Variants in ACVRL1 observed in about 807,000 individuals in gnomAD.
ACVRL1 encodes activin receptor type-1-like.
Under a neutral mutation model 51.9 loss-of-function variants are expected in ACVRL1, and 20 were observed. That is an observed-to-expected ratio of 0.39 (90% CI 0.27 to 0.56). ACVRL1 has a LOEUF of 0.56. Ranked by LOEUF, ACVRL1 falls within the 20% of genes least tolerant of loss-of-function variation. The probability of loss-of-function intolerance (pLI) is 0.67; values close to 1 mark genes in which losing one functional copy is unlikely to be tolerated. For missense variants in ACVRL1, 451 were observed against 670.3 expected, an observed-to-expected ratio of 0.67 and a Z score of 3.61; for synonymous variants, 288 against 280.9, an observed-to-expected ratio of 1.03 and a Z score of -0.25.
At chr12:51,910,477 CTCAGTGAGCACT>C (rs1940667235) in intron 1 of ACVRL1, among the ~76,000 whole-genome samples, 1 of 152,336 alleles carries the variant, frequency 6.6e-6, no homozygotes, top group African/African-American at 2.4e-5. Context: ...ATATGCTTTT[CTCAGTGAGCACT>C]TCAGGTGATT....
At chr12:51,912,810 C>T (rs1592221236) in intron 2 of ACVRL1, among the ~76,000 whole-genome samples, 2 of 152,084 alleles carry the variant, frequency 1.3e-5, no homozygotes, top group South Asian at 4.2e-4. Context: ...TGTTGGCAGG[C>T]CAAGCCTGGG....
chr12:51,914,634 A>G, intron 6 of ACVRL1, 49 bp downstream of exon 6: 2 of 1,577,450 alleles, frequency 1.3e-6, no homozygotes, highest in Non-Finnish European at 1.7e-6. Flanking sequence ...GCCCCCCTGC[A>G]CTCAGGGCTC....
chr12:51,911,240 G>T (rs535061560), intron 1 of ACVRL1, among the ~76,000 whole-genome samples: 87 of 152,232 alleles, frequency 5.7e-4, no homozygotes, highest in Non-Finnish European at 1.2e-3. Context: ...GAGAAATGAA[G>T]ACTGGGTGGC....
intron 2 of ACVRL1, 128 bp from the exon 3 acceptor site, chr12:51,912,971 A>C: frequency 1.5e-6 from 2 of 1,356,698 alleles, no homozygotes; most frequent in Non-Finnish European, 2.0e-6. Context: ...GGATGAAAGT[A>C]AGAGACCAAA....
At chr12:51,912,307 C>A in intron 1 of ACVRL1, 163 bp from the exon 2 acceptor site, 1 of 748,728 alleles carries the variant, frequency 1.3e-6, no homozygotes, top group Non-Finnish European at 2.4e-6. Flanking sequence ...AGGACTTCCC[C>A]TGCAGGCCCC....
chr12:51,913,720 G>C lies in ACVRL1; in HGVS notation c.475G>C (p.Glu159Gln). The C allele has an allele frequency of 6.2e-7, 1 of 1,612,232 alleles. No individual in the cohort carries two copies. The highest frequency in any genetic ancestry group is 1.3e-5 in the African/African-American group (1 of 75,052). Reference protein sequence around the residue: ...KQRGLHSELGESSLILKASEQ... With the variant: ...KQRGLHSELGQSSLILKASEQ... ...GCGTGGCCTGCACAGCGAGCTGGGAGAGTCCAGTCTCATCCTGAAAGCATC... is the reference window on the plus strand; with the variant it reads ...GCGTGGCCTGCACAGCGAGCTGGGACAGTCCAGTCTCATCCTGAAAGCATC... The change falls in exon 4 of 10, where the codon GAG becomes CAG. Residue 159 changes from glutamate to glutamine, a missense_variant. Coordinates refer to ENST00000388922, the MANE Select transcript of ACVRL1 (RefSeq NM_000020.3).
At chr12:51,920,719 C>G (rs1456596290) in intron 9 of ACVRL1, 40 bp from the exon 10 acceptor site, 1 of 1,610,258 alleles carries the variant, frequency 6.2e-7, no homozygotes, top group African/African-American at 1.3e-5. Flanking sequence ...GCATCTCTCT[C>G]TCTGCCTCCT....
intron 3 of ACVRL1, 53 bp downstream of exon 3, chr12:51,913,403 C>T: frequency 2.5e-6 from 4 of 1,595,824 alleles, no homozygotes; most frequent in Non-Finnish European, 3.4e-6. Context: ...CCCTGCCCTC[C>T]CTTCCCTCCT....
Position 51,913,167 on chromosome 12 carries a change from C to T in ACVRL1, c.130C>T (p.Pro44Ser), listed in dbSNP as rs779576094. Residue 44 changes from proline (P) to serine (S), a missense_variant, in exon 3 of 10, where the codon CCT becomes TCT. Pro to Ser is a moderately conservative substitution (Grantham distance 74). This residue lies in a region of ACVRL1 where 192 missense variants were observed against 216.9 expected (regional missense o/e 0.89). Coordinates refer to ENST00000388922, the MANE Select transcript of ACVRL1 (RefSeq NM_000020.3). The part of the protein sequence containing the change: ...CTCESPHCKG[P>S]TCRGAWCTVV... ...GTGTGAGAGCCCACATTGCAAGGGG[C>T]CTACCTGCCGGGGGGCCTGGTGCAC... 1.2e-6 allele frequency: 2 copies of T among 1,603,356 alleles called. No homozygotes were observed. The highest frequency in any genetic ancestry group is 3.4e-5 in the Admixed American group (2 of 58,328).
intron 1 of ACVRL1, among the ~76,000 whole-genome samples, chr12:51,911,241 A>G (rs1239926117): frequency 6.6e-6 from 1 of 152,166 alleles, no homozygotes; most frequent in Non-Finnish European, 1.5e-5. Context: ...AGAAATGAAG[A>G]CTGGGTGGCT....
chr12:51,908,339 C>G (rs1338221034), intron 1 of ACVRL1, among the ~76,000 whole-genome samples: 2 of 152,206 alleles, frequency 1.3e-5, no homozygotes, highest in Non-Finnish European at 2.9e-5. Flanking sequence ...CTCCTCTTTC[C>G]TTCTCCAAGG....
chr12:51,907,111 C>A (rs74094823), upstream of ACVRL1: 2 of 152,104 alleles, frequency 1.3e-5, no homozygotes, highest in Non-Finnish European at 2.9e-5. This position sits in a 1 kb window ranked among gnomAD's most constrained non-coding sequence, Gnocchi z 4.5. Context: ...TCCCCCTCTA[C>A]CCCCACCCAC....
At chr12:51,908,481 T>C (rs1410557107) in intron 1 of ACVRL1, among the ~76,000 whole-genome samples, 1 of 152,204 alleles carries the variant, frequency 6.6e-6, no homozygotes, top group East Asian at 1.9e-4. Context: ...ATAGCTACCA[T>C]TGATTGAGTA....
In ACVRL1 at chr12:51,922,662, T is replaced by C. The variant is rs1865432248; in HGVS notation, c.*1769T>C. 2 of 152,416 alleles carry C rather than the reference T, an allele frequency of 1.3e-5. No individual in the cohort carries two copies. Among genetic ancestry groups the C allele is most frequent in the South Asian group, 2.1e-4 (1 of 4,820 alleles). 9.4% of individuals were successfully genotyped at this position (152,416 alleles called of 1,614,324 possible). On this transcript the variant is annotated 3_prime_UTR_variant, in exon 10 of 10. Transcript: ENST00000388922. Reference sequence around the variant, plus strand: ...GGATTGGAGGGGAGCTTGAGGAATATAAGGAGCGGGGGTGGAGACTCAGGC... The same window carrying C: ...GGATTGGAGGGGAGCTTGAGGAATACAAGGAGCGGGGGTGGAGACTCAGGC...
At position 51,915,270 on chromosome 12, in the gene ACVRL1, T is replaced by C. The variant is rs1085307409; in HGVS notation, c.818T>C (p.Leu273Pro). 6.2e-7 allele frequency: 1 copy of C among 1,614,196 alleles called. No homozygotes were observed. Residue 273 changes from leucine (L) to proline (P), a missense_variant, in exon 7 of 10, where the codon CTG becomes CCG. Coordinates refer to ENST00000388922, the MANE Select transcript of ACVRL1 (RefSeq NM_000020.3). ...DMTSRNSSTQ[L>P]WLITHYHEHG... ...ACCTCCCGCAACTCGAGCACGCAGC[T>C]GTGGCTCATCACGCACTACCACGAG...
At position 51,914,299 on chromosome 12, in the gene ACVRL1, G is replaced by T. The variant is rs1940775278; in HGVS notation, c.626-140G>T. On this transcript the variant is annotated intron_variant, in intron 5 of 9. Coordinates refer to ENST00000388922, the MANE Select transcript of ACVRL1 (RefSeq NM_000020.3). ...GGGGGTGGCCTGCCACTGGGTTTGG[G>T]TCTGGATTAAGTTAAACCTAAGGGT... 3.6e-6 allele frequency: 5 copies of T among 1,371,288 alleles called. No individual in the cohort carries two copies. The South Asian group carries it at 6.2e-5, about 17-fold the overall frequency. 84.9% of individuals were successfully genotyped at this position (1,371,288 alleles called of 1,614,324 possible).
rs1213093092 is a variant in ACVRL1, at chr12:51,913,567, C to A, written c.322C>A (p.Pro108Thr). The A allele has an allele frequency of 6.3e-7, 1 of 1,597,594 alleles. No homozygotes were observed. Among genetic ancestry groups the A allele is most frequent in the Non-Finnish European group, 8.5e-7 (1 of 1,179,682 alleles). The change falls in exon 4 of 10, where the codon CCT (proline) becomes ACT (threonine). Residue 108 changes from proline to threonine, a missense_variant. This residue lies in a region of ACVRL1 where 192 missense variants were observed against 216.9 expected (regional missense o/e 0.89). Transcript: ENST00000388922. Reference sequence around the variant, plus strand: ...GTGTCCCCCTCCCTCAGCCACCCAACCTCCTTCGGAGCAGCCGGGAACAGA... The same window carrying A: ...GTGTCCCCCTCCCTCAGCCACCCAAACTCCTTCGGAGCAGCCGGGAACAGA... ...NVSLVLEATQ[P>T]PSEQPGTDGQ...
Position 51,921,048 on chromosome 12 carries a change from A to T in ACVRL1, c.*155A>T. On this transcript the variant is annotated 3_prime_UTR_variant, in exon 10 of 10. Transcript: ENST00000388922. ...TCGGCCCCCAGCCCACCCAGCCAAA[A>T]ATACAGCTGGGCTGAAACCTGATCC... The T allele has an allele frequency of 4.3e-6, 4 of 922,212 alleles. No individual in the cohort carries two copies. Among genetic ancestry groups the T allele is most frequent in the Non-Finnish European group, 6.7e-6 (4 of 600,048 alleles). The allele number at this position is 922,212 out of a possible 1,614,324, so 57.1% of individuals were successfully genotyped here.
At position 51,913,233 on chromosome 12, in the gene ACVRL1, C is replaced by T. The variant is rs1480110873; in HGVS notation, c.196C>T (p.His66Tyr). 19 of 1,590,582 alleles carry T rather than the reference C, an allele frequency of 1.2e-5. No homozygotes were observed. The highest frequency in any genetic ancestry group is 1.4e-5 in the Non-Finnish European group (16 of 1,168,822). ...VREEGRHPQEHRGCGNLHREL... is the reference protein window; with the variant it reads ...VREEGRHPQEYRGCGNLHREL... ...GGAGGAGGGGAGGCACCCCCAGGAA[C>T]ATCGGGGCTGCGGGAACTTGCACAG... Residue 66 changes from histidine to tyrosine, a missense_variant, in exon 3 of 10, where the codon CAT becomes TAT. Physicochemically the swap from His to Tyr is moderately conservative, Grantham distance 83. Transcript: ENST00000388922.
Sources: allele counts gnomAD v4.1 joint callset (sites outside exome capture counted in the v4.1 genomes callset), GRCh38; gene constraint gnomAD v4.1.1; regional missense constraint gnomAD v4.1.1; non-coding constraint Gnocchi (gnomAD v3.1); transcripts MANE v1.5; gene names NCBI Gene and HGNC (gene_info 2026-07-23, HGNC 2026-07-21).